The following OCA2 variants were observed in gnomAD, a reference collection of about 807,000 sequenced individuals.
The protein encoded by OCA2 is P protein.
Under a neutral mutation model 100.2 loss-of-function variants are expected in OCA2, and 77 were observed. That is an observed-to-expected ratio of 0.77 (90% CI 0.64 to 0.93). The LOEUF is 0.93. Ranked by LOEUF, OCA2 falls within the 40% of genes least tolerant of loss-of-function variation. The pLI is 0.00. For synonymous variants in OCA2, 432 were observed against 439.2 expected (o/e 0.98, Z 0.21); for missense variants, 1,062 against 1,089.1 (o/e 0.98, Z 0.35).
chr15:27,873,379 G>C (rs1341126491), intron 19 of OCA2, among the ~76,000 whole-genome samples: 2 of 152,130 alleles, frequency 1.3e-5, no homozygotes, highest in Non-Finnish European at 2.9e-5. Flanking sequence ...TCCCAGGGGG[G>C]ATAAAATCAC....
At chr15:27,896,225 A>G in intron 19 of OCA2, 2 of 985,020 alleles carry the variant, frequency 2.0e-6, no homozygotes, top group South Asian at 2.5e-5. Flanking sequence ...ACAGTACCAA[A>G]TGATTCCCTG....
chr15:28,071,806 T>G (rs2044269008), intron 2 of OCA2, among the ~76,000 whole-genome samples: 1 of 152,198 alleles, frequency 6.6e-6, no homozygotes, highest in South Asian at 2.1e-4. Flanking sequence ...GACCTCAAAC[T>G]ATAGAAATCC....
chr15:28,015,953 A>T, intron 8 of OCA2, 151 bp downstream of exon 8: 1 of 710,554 alleles, frequency 1.4e-6, no homozygotes, highest in Admixed American at 2.0e-5. Flanking sequence ...ACAGCCTTTG[A>T]GCTCACTGTC....
At chr15:27,966,177 G>A (rs2040560834) in intron 15 of OCA2, among the ~76,000 whole-genome samples, 1 of 152,234 alleles carries the variant, frequency 6.6e-6, no homozygotes, top group Admixed American at 6.5e-5. Flanking sequence ...CACCATGTTG[G>A]CCAGGCTGGA....
At chr15:27,846,549 G>GA (rs1203345340) in intron 22 of OCA2, among the ~76,000 whole-genome samples, 2 of 152,116 alleles carry the variant, frequency 1.3e-5, no homozygotes, top group East Asian at 3.9e-4. Context: ...ATTAGTGATT[G>GA]AAAAAAATGC....
chr15:27,950,426 G>A (rs2039989169), intron 18 of OCA2: 4 of 411,392 alleles, frequency 9.7e-6, no homozygotes, highest in South Asian at 1.8e-5. Flanking sequence ...ATTTCTAGAT[G>A]TAATCCACCA....
At chr15:28,080,904 G>T (rs1283366497) in intron 2 of OCA2, among the ~76,000 whole-genome samples, 1 of 152,162 alleles carries the variant, frequency 6.6e-6, no homozygotes, top group Non-Finnish European at 1.5e-5. Context: ...ATTTAAAGAT[G>T]TATCAAATTT....
chr15:27,913,410 T>A (rs917065634), intron 19 of OCA2, among the ~76,000 whole-genome samples: 5 of 152,138 alleles, frequency 3.3e-5, no homozygotes, highest in African/African-American at 1.2e-4. Context: ...ATTAGATATA[T>A]CAAATACATC....
At chr15:27,774,747 G>T (rs1566952973) in intron 23 of OCA2, among the ~76,000 whole-genome samples, 1 of 152,196 alleles carries the variant, frequency 6.6e-6, no homozygotes, top group East Asian at 1.9e-4. Context: ...GGGAAAACAG[G>T]TGTCCTTATA....
At chr15:27,834,748 A>T (rs890594228) in intron 23 of OCA2, among the ~76,000 whole-genome samples, 4 of 152,214 alleles carry the variant, frequency 2.6e-5, no homozygotes, top group African/African-American at 9.6e-5. Context: ...TGCTTGCAGA[A>T]TGTTGCTAAG....
chr15:27,883,329 G>A (rs1294940823), intron 19 of OCA2, among the ~76,000 whole-genome samples: 1 of 152,140 alleles, frequency 6.6e-6, no homozygotes, highest in Non-Finnish European at 1.5e-5. Flanking sequence ...GAGTCCATAT[G>A]TAGTTGATTT....
At chr15:27,848,003 G>A (rs914330678) in intron 22 of OCA2, among the ~76,000 whole-genome samples, 7 of 152,326 alleles carry the variant, frequency 4.6e-5, no homozygotes, top group South Asian at 4.1e-4. Context: ...TGCAGATGCC[G>A]CAGGCATCTC....
intron 1 of OCA2, among the ~76,000 whole-genome samples, chr15:28,095,140 C>T (rs1369750371): frequency 6.6e-6 from 1 of 152,232 alleles, no homozygotes; most frequent in Non-Finnish European, 1.5e-5. Context: ...GCCTTTCCCG[C>T]TGGTACTGGC....
the OCA2 span, among the ~76,000 whole-genome samples, chr15:27,737,774 C>T: frequency 1.3e-5 from 2 of 152,114 alleles, no homozygotes; most frequent in East Asian, 1.9e-4. Context: ...ACTTTTGTTG[C>T]GATCAAATAT....
At chr15:27,914,315 C>A (rs534228809) in intron 19 of OCA2, among the ~76,000 whole-genome samples, 1 of 152,038 alleles carries the variant, frequency 6.6e-6, no homozygotes, top group African/African-American at 2.4e-5. Flanking sequence ...ATAAGGATGC[C>A]CTCTCTCACC....
intron 14 of OCA2, among the ~76,000 whole-genome samples, chr15:27,977,700 G>T (rs567329825): frequency 6.6e-6 from 1 of 152,190 alleles, no homozygotes; most frequent in Admixed American, 6.5e-5. Context: ...CAATGGGGTG[G>T]TATTAGGAGA....
intron 11 of OCA2, among the ~76,000 whole-genome samples, chr15:27,989,140 G>A (rs28609467): frequency 1.8e-4 from 28 of 152,234 alleles, no homozygotes; most frequent in Admixed American, 1.4e-3. Flanking sequence ...TGGGCACTTC[G>A]AGATCCTGCA....
chr15:28,086,889 T>C (rs768036322), intron 1 of OCA2, among the ~76,000 whole-genome samples: 2 of 152,194 alleles, frequency 1.3e-5, no homozygotes, highest in East Asian at 3.9e-4. Flanking sequence ...ACCTGAACAA[T>C]AGAGAAATAT....
intron 23 of OCA2, among the ~76,000 whole-genome samples, chr15:27,819,513 A>C (rs1276431790): frequency 6.6e-6 from 1 of 152,218 alleles, no homozygotes; most frequent in Non-Finnish European, 1.5e-5. Context: ...AAGAATTCTG[A>C]AACTGATATA....
Sources: allele counts gnomAD v4.1 joint callset (sites outside exome capture counted in the v4.1 genomes callset), GRCh38; gene constraint gnomAD v4.1.1; transcripts MANE v1.5; gene names NCBI Gene and HGNC (gene_info 2026-07-23, HGNC 2026-07-21).